C13orf46: variants seen among roughly 807,000 people sequenced by gnomAD.
C13orf46 encodes chromosome 13 open reading frame 46.
intron 1 of C13orf46, among the ~76,000 whole-genome samples, chr13:113,970,922 G>C (rs1352535660): frequency 6.6e-6 from 1 of 152,226 alleles, no homozygotes; most frequent in Non-Finnish European, 1.5e-5. Context: ...AGCACACACT[G>C]CTCCCTGGCA....
intron 6 of C13orf46, among the ~76,000 whole-genome samples, chr13:113,958,819 C>A (rs2138980440): frequency 6.6e-6 from 1 of 152,316 alleles, no homozygotes; most frequent in African/African-American, 2.4e-5. Flanking sequence ...AGCACAGGCC[C>A]TTGGGGCCTC....
chr13:113,932,999 G>C, the C13orf46 span, among the ~76,000 whole-genome samples: 2 of 152,032 alleles, frequency 1.3e-5, no homozygotes, highest in Non-Finnish European at 2.9e-5. Context: ...TGAGTAGCTG[G>C]GATTACAAGC....
At chr13:113,966,191 G>T (rs1248044107) in intron 5 of C13orf46, among the ~76,000 whole-genome samples, 2 of 151,664 alleles carry the variant, frequency 1.3e-5, no homozygotes, top group Non-Finnish European at 2.9e-5. Flanking sequence ...TGATGGTGAT[G>T]ATGGTCATGA....
the C13orf46 span, among the ~76,000 whole-genome samples, chr13:113,937,110 T>A: frequency 6.6e-6 from 1 of 152,232 alleles, no homozygotes; most frequent in African/African-American, 2.4e-5. Context: ...AGCCCAGGAA[T>A]AATTAAGGGC....
intron 6 of C13orf46, among the ~76,000 whole-genome samples, chr13:113,964,462 G>A (rs1221883618): frequency 2.6e-5 from 4 of 152,168 alleles, no homozygotes; most frequent in Non-Finnish European, 5.9e-5. Context: ...CCCAGGGCCC[G>A]AGGCTTGTTG....
At chr13:113,927,735 A>G in the C13orf46 span, 16 of 397,384 alleles carry the variant, frequency 4.0e-5, no homozygotes, top group African/African-American at 3.1e-4. Flanking sequence ...TCCTGAGGCC[A>G]TGTGCGGTGT....
chr13:113,943,649 G>A, the C13orf46 span, among the ~76,000 whole-genome samples: 1 of 152,200 alleles, frequency 6.6e-6, no homozygotes, highest in African/African-American at 2.4e-5. Context: ...ACCACCTCTC[G>A]GGTTACATTT....
the C13orf46 span, among the ~76,000 whole-genome samples, chr13:113,942,657 G>A: frequency 4.6e-5 from 7 of 152,204 alleles, no homozygotes; most frequent in Admixed American, 2.0e-4. Context: ...GAGCTGACGC[G>A]GGCACGGGCA....
At chr13:113,937,661 G>A in the C13orf46 span, among the ~76,000 whole-genome samples, 2 of 152,184 alleles carry the variant, frequency 1.3e-5, no homozygotes, top group Non-Finnish European at 2.9e-5. Context: ...ATATTTTAGG[G>A]AGACATGAGA....
At chr13:113,945,909 T>G in the C13orf46 span, among the ~76,000 whole-genome samples, 1 of 112,282 alleles carries the variant, frequency 8.9e-6, no homozygotes, top group Non-Finnish European at 2.1e-5. Context: ...TTGAGGTCAG[T>G]GCATGTTTAG....
At chr13:113,927,498 C>A in the C13orf46 span, 8 of 398,662 alleles carry the variant, frequency 2.0e-5, no homozygotes, top group Non-Finnish European at 3.1e-5. Context: ...TCCTGCTCTG[C>A]TGAAGGCCAC....
intron 1 of C13orf46, among the ~76,000 whole-genome samples, chr13:113,971,140 C>T (rs553227183): frequency 2.6e-5 from 4 of 152,322 alleles, no homozygotes; most frequent in East Asian, 1.9e-4. Context: ...GCATCGGAGC[C>T]GGGAATGTTT....
the C13orf46 span, among the ~76,000 whole-genome samples, chr13:113,934,577 GA>G: frequency 2.6e-5 from 4 of 152,366 alleles, no homozygotes; most frequent in Non-Finnish European, 5.9e-5. Flanking sequence ...AATGGGAAAA[GA>G]AAGATTGTGT....
intron 1 of C13orf46, among the ~76,000 whole-genome samples, chr13:113,971,622 T>A (rs1359049417): frequency 6.6e-6 from 1 of 152,220 alleles, no homozygotes; most frequent in Non-Finnish European, 1.5e-5. Flanking sequence ...CACACCCCAC[T>A]GGTGCCCCCG....
chr13:113,949,967 G>A (rs984597561), downstream of C13orf46, among the ~76,000 whole-genome samples: 1,668 of 151,654 alleles, frequency 0.011, 16 homozygotes, highest in Middle Eastern at 0.062. Flanking sequence ...CCCACCTCGG[G>A]GACCTCAGTG....
At chr13:113,927,956 C>A in the C13orf46 span, 1 of 244,562 alleles carries the variant, frequency 4.1e-6, no homozygotes, top group Non-Finnish European at 7.8e-6. Flanking sequence ...ATGCTCAGGC[C>A]AGTTTTCCCT....
At chr13:113,945,405 T>C in the C13orf46 span, among the ~76,000 whole-genome samples, 2 of 151,422 alleles carry the variant, frequency 1.3e-5, no homozygotes, top group South Asian at 2.1e-4. Flanking sequence ...ACTAGTCAGG[T>C]GTGATGGTGG....
chr13:113,971,355 G>A (rs2052703122), intron 1 of C13orf46, among the ~76,000 whole-genome samples: 1 of 152,232 alleles, frequency 6.6e-6, no homozygotes, highest in South Asian at 2.1e-4. Flanking sequence ...GGGCAGCTGG[G>A]GAATGGGGCT....
chr13:113,950,954 G>T (rs1313950796), downstream of C13orf46, among the ~76,000 whole-genome samples: 1 of 152,238 alleles, frequency 6.6e-6, no homozygotes, highest in Non-Finnish European at 1.5e-5. Context: ...TGGGAAGGCC[G>T]GGCGTTCAGA....
Sources: gnomAD v4.1 joint callset for allele counts (sites outside exome capture counted in the v4.1 genomes callset) on GRCh38, gnomAD v4.1.1 for gene constraint, MANE v1.5 for transcripts, NCBI Gene and HGNC (gene_info 2026-07-23, HGNC 2026-07-21) for gene names.